Variants in ABCB1 observed in about 807,000 individuals in gnomAD.
ABCB1 encodes ATP binding cassette subfamily B member 1, also known as ATP-dependent translocase ABCB1.
A neutral mutation model predicts 142.0 loss-of-function variants in ABCB1; 69 were observed. The ratio of observed to expected loss-of-function variants is 0.49; its 90% CI spans 0.40 to 0.59. The LOEUF (loss-of-function observed/expected upper bound fraction) is 0.59. Ranked by LOEUF, ABCB1 falls within the 20% of genes least tolerant of loss-of-function variation. ABCB1 has a pLI of 0.00. For missense variants in ABCB1, 1,326 were observed against 1,554.7 expected, an observed-to-expected ratio of 0.85 and a Z score of 2.47; for synonymous variants, 532 against 539.2, an observed-to-expected ratio of 0.99 and a Z score of 0.18.
At chr7:87,572,759 G>C (rs1026296738) in intron 4 of ABCB1, among the ~76,000 whole-genome samples, 2 of 152,090 alleles carry the variant, frequency 1.3e-5, no homozygotes, top group African/African-American at 4.8e-5. Context: ...GACAGGGAGG[G>C]GGCTGGAGGC....
chr7:87,703,116 A>G (rs1424896534), intron 1 of ABCB1, among the ~76,000 whole-genome samples: 1 of 152,230 alleles, frequency 6.6e-6, no homozygotes, highest in East Asian at 1.9e-4. Flanking sequence ...TTACAGTTTT[A>G]AGATGAAGAC....
At position 87,550,692 on chromosome 7, in the gene ABCB1, A is replaced by G. The variant is rs201868084; in HGVS notation, c.1113+33T>C. On this transcript the variant is annotated intron_variant, in intron 10 of 27. Transcript: ENST00000622132. ...AATTGACTTAACTGGACAATCTTTTAGATAGGTGGATAGATGGCCAACTCA... is the reference window on the plus strand; with the variant it reads ...AATTGACTTAACTGGACAATCTTTTGGATAGGTGGATAGATGGCCAACTCA... 1.9e-5 allele frequency: 30 copies of G among 1,560,442 alleles called. 1 individual carries two copies. The highest frequency in any genetic ancestry group is 1.6e-4 in the South Asian group (14 of 90,034).
At chr7:87,504,669 G>A (rs549748039) in intron 27 of ABCB1, among the ~76,000 whole-genome samples, 1 of 152,066 alleles carries the variant, frequency 6.6e-6, no homozygotes, top group Non-Finnish European at 1.5e-5. Flanking sequence ...GCTGGGCTTG[G>A]TGGTGGGTGC....
chr7:87,585,518 T>A lies in ABCB1; in HGVS notation c.280A>T (p.Asn94Tyr). The A allele has an allele frequency of 6.2e-7, 1 of 1,613,514 alleles. No homozygotes were observed. The highest frequency in any genetic ancestry group is 1.1e-5 in the South Asian group (1 of 91,082). Residue 94 changes from asparagine (N) to tyrosine (Y), a missense_variant, in exon 4 of 28, where the codon AAT becomes TAT. By Grantham distance (143) the Asn-to-Tyr change is moderately radical. Coordinates refer to ENST00000622132, the MANE Select transcript of ABCB1 (RefSeq NM_001348946.2). ...NLEDLMSNIT[N>Y]RSDINDTGFF... ...GTACACAAACAATACTTACTTCTAT[T>A]AGTGATGTTTGACATCAGATCTTCT...
intron 1 of ABCB1, among the ~76,000 whole-genome samples, chr7:87,629,969 A>G (rs945422874): frequency 2.6e-5 from 4 of 152,082 alleles, no homozygotes; most frequent in African/African-American, 9.7e-5. Context: ...ATTCAGAGAT[A>G]ACTGGTTTTT....
At chr7:87,591,114 A>G (rs1818982413) in intron 3 of ABCB1, among the ~76,000 whole-genome samples, 1 of 152,138 alleles carries the variant, frequency 6.6e-6, no homozygotes, top group East Asian at 1.9e-4. Context: ...TGCTTATAAG[A>G]GGGAGGAGGG....
chr7:87,530,393 C>T (rs921553569), intron 21 of ABCB1, among the ~76,000 whole-genome samples: 3 of 152,090 alleles, frequency 2.0e-5, no homozygotes, highest in African/African-American at 7.2e-5. Context: ...GAGCTTGAAT[C>T]CCAGCTCCAA....
intron 1 of ABCB1, chr7:87,694,184 C>A (rs1000916378): frequency 6.1e-6 from 2 of 329,276 alleles, no homozygotes; most frequent in East Asian, 1.7e-4. Flanking sequence ...AATATAATAA[C>A]CTATTTACTT....
chr7:87,700,720 G>A, intron 1 of ABCB1: 1 of 617,550 alleles, frequency 1.6e-6, no homozygotes, highest in South Asian at 2.6e-5. Flanking sequence ...ATCTAAACTA[G>A]TGGCTCTCAA....
intron 1 of ABCB1, among the ~76,000 whole-genome samples, chr7:87,708,227 C>A (rs1348369278): frequency 2.0e-5 from 3 of 151,914 alleles, no homozygotes; most frequent in African/African-American, 2.4e-5. Context: ...AAGATTAATG[C>A]AGTTGATAAG....
intron 19 of ABCB1, 56 bp from the exon 20 acceptor site, chr7:87,536,597 C>A (rs1816305952): frequency 6.5e-7 from 1 of 1,545,134 alleles, no homozygotes; most frequent in Non-Finnish European, 8.9e-7. Flanking sequence ...ACTCTCAGCT[C>A]CAAGAGGGCA....
At chr7:87,695,123 T>C (rs191562574) in intron 1 of ABCB1, among the ~76,000 whole-genome samples, 2 of 152,260 alleles carry the variant, frequency 1.3e-5, no homozygotes, top group Non-Finnish European at 2.9e-5. Flanking sequence ...AGATTCTGAC[T>C]TCCTCAGATT....
chr7:87,684,746 C>CAAGAA (rs1827285823), intron 1 of ABCB1, among the ~76,000 whole-genome samples: 1 of 37,784 alleles, frequency 2.6e-5, no homozygotes, highest in Non-Finnish European at 4.0e-5. Flanking sequence ...GACTCCGTCT[C>CAAGAA]AAAAAAAAAA....
chr7:87,706,960 G>A (rs1829651716), intron 1 of ABCB1, among the ~76,000 whole-genome samples: 1 of 152,182 alleles, frequency 6.6e-6, no homozygotes, highest in African/African-American at 2.4e-5. Context: ...CAAGCAAGGT[G>A]AAGGGGAACT....
chr7:87,689,132 A>T (rs1360774288), intron 1 of ABCB1, among the ~76,000 whole-genome samples: 1 of 152,090 alleles, frequency 6.6e-6, no homozygotes, highest in African/African-American at 2.4e-5. Flanking sequence ...AGATGATACT[A>T]TGAAAAGAGT....
In ABCB1 at chr7:87,576,400, A is replaced by G. The variant is rs998214084; in HGVS notation, c.287-6177T>C. Among the ~76,000 whole-genome samples, 6 of 149,682 alleles carry G rather than the reference A, an allele frequency of 4.0e-5. No individual in the cohort carries two copies. In the East Asian group the frequency reaches 9.7e-4, roughly 24 times the overall value. ...CACAGAGCTATACATATACACACAC[A>G]CTATATATAAGTGTGTGTGTAAGTA... On this transcript the variant is annotated intron_variant, in intron 4 of 27. Transcript: ENST00000622132.
At chr7:87,622,148 T>A (rs1820247023) in intron 1 of ABCB1, among the ~76,000 whole-genome samples, 1 of 152,054 alleles carries the variant, frequency 6.6e-6, no homozygotes, top group African/African-American at 2.4e-5. Context: ...TTTTTAAACA[T>A]CTCTTTATAA....
intron 4 of ABCB1, 60 bp from the exon 5 acceptor site, chr7:87,570,283 C>T (rs1425825054): frequency 2.7e-6 from 4 of 1,477,240 alleles, no homozygotes; most frequent in Non-Finnish European, 3.8e-6. Context: ...TAAAAATAAA[C>T]ATGTAAAAAT....
At chr7:87,573,811 G>T (rs981632684) in intron 4 of ABCB1, among the ~76,000 whole-genome samples, 1 of 152,066 alleles carries the variant, frequency 6.6e-6, no homozygotes. Flanking sequence ...AGAGCACTGT[G>T]CAGTCACTGT....
Sources: allele counts gnomAD v4.1 joint callset (sites outside exome capture counted in the v4.1 genomes callset), GRCh38; gene constraint gnomAD v4.1.1; transcripts MANE v1.5; gene names NCBI Gene and HGNC (gene_info 2026-07-23, HGNC 2026-07-21).